ZBTB7C: variants seen among roughly 807,000 people sequenced by gnomAD.
ZBTB7C encodes the protein zinc finger and BTB domain containing 7C.
ZBTB7C carries 8 observed loss-of-function variants against 25.7 expected under a neutral mutation model. That is an observed-to-expected ratio of 0.31 (90% CI 0.18 to 0.56). The LOEUF (loss-of-function observed/expected upper bound fraction) is 0.56. Ranked by LOEUF, ZBTB7C falls within the 20% of genes least tolerant of loss-of-function variation. ZBTB7C has a pLI of 0.91. For synonymous variants in ZBTB7C, 394 were observed against 369.0 expected (o/e 1.07, Z -0.78); for missense variants, 824 against 855.2 (o/e 0.96, Z 0.46).
intron 2 of ZBTB7C, among the ~76,000 whole-genome samples, chr18:48,262,180 G>GT (rs1036857618): frequency 2.6e-5 from 4 of 152,208 alleles, no homozygotes; most frequent in East Asian, 3.9e-4. Flanking sequence ...GCACAGGAGA[G>GT]TAAAATGACC....
chr18:48,237,558 C>T (rs1168842663), intron 2 of ZBTB7C, among the ~76,000 whole-genome samples: 1 of 152,020 alleles, frequency 6.6e-6, no homozygotes, highest in South Asian at 2.1e-4. Flanking sequence ...ATTGAAAGCT[C>T]TGACAATACT....
chr18:48,041,151 G>A (rs2036226604), intron 3 of ZBTB7C, 28 bp from the exon 4 acceptor site: 1 of 1,548,812 alleles, frequency 6.5e-7, no homozygotes, highest in South Asian at 1.2e-5. Flanking sequence ...GAAGAAGACT[G>A]GGTTAGTGAG....
chr18:48,218,485 C>T lies in ZBTB7C; in HGVS notation c.-78-32490G>A, dbSNP rs148477095. Among the ~76,000 whole-genome samples the T allele has an allele frequency of 5.9e-5, 9 of 152,350 alleles. No homozygotes were observed. In the East Asian group the frequency reaches 7.7e-4, roughly 13 times the overall value. On this transcript the variant is annotated intron_variant, in intron 2 of 4. Coordinates refer to ENST00000590800, the MANE Select transcript of ZBTB7C (RefSeq NM_001318841.2). ...TGTGCAAACAGTAAAGGCGTGCACA[C>T]GCATGGGACAGCTTGGGGTTTGCCT... is the stretch of plus-strand genomic sequence containing the variant.
Position 48,098,901 on chromosome 18 carries a change from A to G in ZBTB7C, c.-16-57778T>C, listed in dbSNP as rs9945161. 1.5e-4 allele frequency among the ~76,000 whole-genome samples: 23 copies of G among 152,136 alleles called. 1 individual carries two copies. The highest frequency in any genetic ancestry group is 6.8e-3 in the Middle Eastern group (2 of 294). ...GCTGCCATCTTGCCACTTTGTAAAC[A>G]GGTAAATGAAGCCAATCAATGTGGA... On this transcript the variant is annotated intron_variant, in intron 3 of 4. Coordinates refer to ENST00000590800, the MANE Select transcript of ZBTB7C (RefSeq NM_001318841.2).
At chr18:48,110,409 G>A (rs1233499339) in intron 3 of ZBTB7C, among the ~76,000 whole-genome samples, 1 of 152,166 alleles carries the variant, frequency 6.6e-6, no homozygotes, top group East Asian at 1.9e-4. Flanking sequence ...GCATTCTTAA[G>A]AGGCATGATC....
At chr18:48,230,611 G>A (rs1281578400) in intron 2 of ZBTB7C, among the ~76,000 whole-genome samples, 1 of 152,180 alleles carries the variant, frequency 6.6e-6, no homozygotes, top group Non-Finnish European at 1.5e-5. Flanking sequence ...ATGCTGGAAG[G>A]GGATGGACAT....
chr18:48,261,996 G>C (rs916399408), intron 2 of ZBTB7C, among the ~76,000 whole-genome samples: 2 of 152,210 alleles, frequency 1.3e-5, no homozygotes, highest in African/African-American at 2.4e-5. Context: ...AGGGGACAAA[G>C]GTCCTCTTCC....
intron 3 of ZBTB7C, among the ~76,000 whole-genome samples, chr18:48,151,940 T>C (rs1020938467): frequency 6.6e-6 from 1 of 151,838 alleles, no homozygotes; most frequent in Non-Finnish European, 1.5e-5. Flanking sequence ...GGGACAAAGG[T>C]GAGTGACAGC....
At chr18:48,296,476 C>T (rs1305026300) in intron 2 of ZBTB7C, among the ~76,000 whole-genome samples, 2 of 152,190 alleles carry the variant, frequency 1.3e-5, no homozygotes, top group East Asian at 3.9e-4. Flanking sequence ...CTTTTGTTTT[C>T]CTCTCCCATC....
intron 3 of ZBTB7C, among the ~76,000 whole-genome samples, chr18:48,168,969 T>C (rs916292820): frequency 6.6e-6 from 1 of 152,210 alleles, no homozygotes; most frequent in African/African-American, 2.4e-5. Flanking sequence ...AGAAGGGAAG[T>C]GGCTGAGGTA....
At chr18:48,373,950 G>A (rs1333062637) in intron 1 of ZBTB7C, among the ~76,000 whole-genome samples, 8 of 130,916 alleles carry the variant, frequency 6.1e-5, no homozygotes, top group East Asian at 4.9e-4. Flanking sequence ...AACAGAGCAA[G>A]ACTCTGTCTC....
chr18:48,293,759 C>T (rs2045303902), intron 2 of ZBTB7C, among the ~76,000 whole-genome samples: 2 of 152,244 alleles, frequency 1.3e-5, no homozygotes, highest in South Asian at 4.2e-4. Context: ...CGGTCCAGAA[C>T]ATTAGCACAC....
chr18:48,112,546 C>T lies in ZBTB7C; in HGVS notation c.-16-71423G>A, dbSNP rs2039285152. Among the ~76,000 whole-genome samples, 3 of 152,056 alleles carry T rather than the reference C, an allele frequency of 2.0e-5. No individual in the cohort carries two copies. The South Asian group carries it at 6.2e-4, about 32-fold the overall frequency. On this transcript the variant is annotated intron_variant, in intron 3 of 4. Transcript: ENST00000590800. Reference sequence around the variant, plus strand: ...TATTTTTAGTAGAGATGGGGTTTCACCATGTTGGCCAGGCTAGTCTTGAAC... The same window carrying T: ...TATTTTTAGTAGAGATGGGGTTTCATCATGTTGGCCAGGCTAGTCTTGAAC...
chr18:48,327,085 G>T (rs1373152548), intron 2 of ZBTB7C, among the ~76,000 whole-genome samples: 1 of 152,132 alleles, frequency 6.6e-6, no homozygotes, highest in Non-Finnish European at 1.5e-5. Flanking sequence ...GAGGAGGAGG[G>T]AACAGAGCAC....
intron 3 of ZBTB7C, among the ~76,000 whole-genome samples, chr18:48,135,272 A>T (rs972093783): frequency 1.6e-4 from 25 of 152,132 alleles, no homozygotes; most frequent in African/African-American, 6.0e-4. Flanking sequence ...CTGATTGTTT[A>T]AAAAGAAAAT....
rs566690102 is a variant in ZBTB7C at position 48,057,078 on chromosome 18, A to G, written c.-16-15955T>C. Among the ~76,000 whole-genome samples the G allele has an allele frequency of 1.3e-3, 196 of 148,990 alleles. 2 individuals are homozygous for G. The highest frequency in any genetic ancestry group is 4.7e-3 in the African/African-American group (190 of 40,498). On this transcript the variant is annotated intron_variant, in intron 3 of 4. Transcript: ENST00000590800. ...AAAAAAAAAAAAAAAAAACCAACCC[A>G]TGAACAGGAAGATCATAGAAAAATA... is the stretch of plus-strand genomic sequence containing the variant.
At chr18:48,285,678 T>G (rs970897554) in intron 2 of ZBTB7C, among the ~76,000 whole-genome samples, 1 of 152,184 alleles carries the variant, frequency 6.6e-6, no homozygotes, top group Non-Finnish European at 1.5e-5. Flanking sequence ...TGTCATTAAA[T>G]TGTGTATGTG....
chr18:48,335,426 G>T (rs371368806), intron 2 of ZBTB7C, among the ~76,000 whole-genome samples: 2 of 152,160 alleles, frequency 1.3e-5, no homozygotes, highest in African/African-American at 4.8e-5. Context: ...CCGCCTGAAG[G>T]TCCTAGACCC....
intron 3 of ZBTB7C, among the ~76,000 whole-genome samples, chr18:48,050,729 C>T (rs1356610534): frequency 1.3e-5 from 2 of 152,132 alleles, no homozygotes; most frequent in African/African-American, 2.4e-5. Context: ...GTTCTCATCC[C>T]AGTCACAGAC....
Sources: allele counts gnomAD v4.1 joint callset (sites outside exome capture counted in the v4.1 genomes callset), GRCh38; gene constraint gnomAD v4.1.1; transcripts MANE v1.5; gene names NCBI Gene and HGNC (gene_info 2026-07-23, HGNC 2026-07-21).